ROR1: variants seen among roughly 807,000 people sequenced by gnomAD.
ROR1 encodes the protein inactive tyrosine-protein kinase transmembrane receptor ROR1.
Under a neutral mutation model 78.8 loss-of-function variants are expected in ROR1, and 19 were observed. That is an observed-to-expected ratio of 0.24 (90% CI 0.17 to 0.35). The LOEUF (loss-of-function observed/expected upper bound fraction) is 0.35. Ranked by LOEUF, ROR1 falls within the 10% of genes least tolerant of loss-of-function variation. The pLI is 1.00. For synonymous variants in ROR1, 386 were observed against 433.6 expected (o/e 0.89, Z 1.36); for missense variants, 917 against 1,177.8 (o/e 0.78, Z 3.24).
At chr1:63,996,648 GA>G (rs1334639062) in intron 1 of ROR1, among the ~76,000 whole-genome samples, 1 of 152,156 alleles carries the variant, frequency 6.6e-6, no homozygotes, top group Non-Finnish European at 1.5e-5. Flanking sequence ...GGGACAGCCA[GA>G]AGGTATAAAT....
chr1:64,171,835 GC>G (rs1456081381), intron 8 of ROR1, among the ~76,000 whole-genome samples: 1 of 152,130 alleles, frequency 6.6e-6, no homozygotes, highest in Non-Finnish European at 1.5e-5. Flanking sequence ...TATGTTCAAG[GC>G]AAAAAGTGAC....
At chr1:64,129,685 C>G (rs950594697) in intron 4 of ROR1, among the ~76,000 whole-genome samples, 5 of 152,200 alleles carry the variant, frequency 3.3e-5, no homozygotes, top group African/African-American at 1.2e-4. Flanking sequence ...AGTAAAAAAT[C>G]ACTCATTCTT....
chr1:63,776,632 G>A (rs955117396), intron 1 of ROR1, among the ~76,000 whole-genome samples: 2 of 152,206 alleles, frequency 1.3e-5, no homozygotes, highest in African/African-American at 2.4e-5. Context: ...AGGTCAGGCA[G>A]GCCCAGGCCT....
intron 1 of ROR1, among the ~76,000 whole-genome samples, chr1:63,899,917 A>T (rs1645471499): frequency 6.6e-6 from 1 of 151,966 alleles, no homozygotes; most frequent in Non-Finnish European, 1.5e-5. Flanking sequence ...AAATGACTTA[A>T]ATATCCGAAC....
At chr1:63,997,075 A>G (rs771894632) in intron 1 of ROR1, among the ~76,000 whole-genome samples, 1 of 152,198 alleles carries the variant, frequency 6.6e-6, no homozygotes, top group Non-Finnish European at 1.5e-5. Context: ...TTGGAATCTT[A>G]ATAGCTTTCT....
chr1:64,025,618 C>T (rs1439793958), intron 2 of ROR1, among the ~76,000 whole-genome samples: 1 of 150,872 alleles, frequency 6.6e-6, no homozygotes, highest in East Asian at 1.9e-4. Flanking sequence ...TACACATATA[C>T]ACACATATGT....
At chr1:64,139,969 G>A (rs1649246076) in intron 5 of ROR1, 140 bp from the exon 6 acceptor site, 1 of 736,034 alleles carries the variant, frequency 1.4e-6, no homozygotes, top group Non-Finnish European at 2.2e-6. Context: ...CATCTGAAAT[G>A]AATCTCCTTC....
chr1:64,079,388 A>G (rs559766290), intron 4 of ROR1, among the ~76,000 whole-genome samples: 1 of 152,214 alleles, frequency 6.6e-6, no homozygotes, highest in South Asian at 2.1e-4. Context: ...TACTTAATAT[A>G]TGGAGCATTG....
intron 1 of ROR1, among the ~76,000 whole-genome samples, chr1:63,918,883 C>T (rs899958590): frequency 1.3e-5 from 2 of 152,048 alleles, no homozygotes; most frequent in East Asian, 3.9e-4. Context: ...GTGCTGTCTC[C>T]GCGAGACAAT....
At chr1:63,879,558 C>T (rs1288064402) in intron 1 of ROR1, among the ~76,000 whole-genome samples, 1 of 152,112 alleles carries the variant, frequency 6.6e-6, no homozygotes, top group Non-Finnish European at 1.5e-5. Flanking sequence ...AAAGGGTTCT[C>T]TAGTCAGATA....
chr1:63,990,607 A>G, intron 1 of ROR1, among the ~76,000 whole-genome samples: 1 of 152,182 alleles, frequency 6.6e-6, no homozygotes, highest in South Asian at 2.1e-4. Flanking sequence ...CAAAAATCCC[A>G]AACCTCTATT....
chr1:64,136,276 C>G (rs1649097360), intron 4 of ROR1, among the ~76,000 whole-genome samples: 1 of 151,786 alleles, frequency 6.6e-6, no homozygotes, highest in Non-Finnish European at 1.5e-5. Context: ...AAATGTTAAA[C>G]TCAGGAAGAG....
At chr1:64,129,068 G>T (rs1180150962) in intron 4 of ROR1, among the ~76,000 whole-genome samples, 1 of 152,140 alleles carries the variant, frequency 6.6e-6, no homozygotes, top group Non-Finnish European at 1.5e-5. Context: ...GTGGGTGCTG[G>T]AGTTGAGGGT....
intron 1 of ROR1, among the ~76,000 whole-genome samples, chr1:63,898,898 A>C (rs886170870): frequency 1.3e-5 from 2 of 151,936 alleles, no homozygotes; most frequent in African/African-American, 4.8e-5. Context: ...TGATCTGCCC[A>C]CCCCAATAGA....
At chr1:64,119,725 A>G (rs1648458408) in intron 4 of ROR1, among the ~76,000 whole-genome samples, 1 of 152,104 alleles carries the variant, frequency 6.6e-6, no homozygotes, top group Non-Finnish European at 1.5e-5. Context: ...CATGTGTTAA[A>G]GGTGGAACCA....
chr1:64,142,799 T>C, intron 7 of ROR1, 149 bp downstream of exon 7: 1 of 1,445,082 alleles, frequency 6.9e-7, no homozygotes, highest in South Asian at 1.5e-5. Context: ...AACCTTGCCG[T>C]TTCTACATAA....
At chr1:64,143,527 A>G (rs1249589005) in intron 7 of ROR1, 1 of 519,356 alleles carries the variant, frequency 1.9e-6, no homozygotes, top group Non-Finnish European at 2.5e-6. Flanking sequence ...AGCAAAAGCT[A>G]CAGGGTAGGA....
At chr1:63,835,464 A>G (rs1645014184) in intron 1 of ROR1, among the ~76,000 whole-genome samples, 1 of 152,214 alleles carries the variant, frequency 6.6e-6, no homozygotes, top group South Asian at 2.1e-4. Flanking sequence ...GAGATGAGTA[A>G]GAGGAAGTCC....
At chr1:63,781,105 G>C (rs755822157) in intron 1 of ROR1, among the ~76,000 whole-genome samples, 2 of 152,062 alleles carry the variant, frequency 1.3e-5, no homozygotes, top group Non-Finnish European at 2.9e-5. Flanking sequence ...GCAGAGGTTG[G>C]GTTTGATATT....
Sources: allele counts gnomAD v4.1 joint callset (sites outside exome capture counted in the v4.1 genomes callset), GRCh38; gene constraint gnomAD v4.1.1; transcripts MANE v1.5; gene names NCBI Gene and HGNC (gene_info 2026-07-23, HGNC 2026-07-21).